LRRC58: variants seen among roughly 807,000 people sequenced by gnomAD.
LRRC58 encodes leucine-rich repeat-containing protein 58.
Under a neutral mutation model 30.6 loss-of-function variants are expected in LRRC58, and 18 were observed. The ratio of observed to expected loss-of-function variants is 0.59; its 90% CI spans 0.41 to 0.87. The LOEUF (loss-of-function observed/expected upper bound fraction) is 0.87. Among genes scored for constraint, LRRC58 ranks in the 40% least tolerant of loss-of-function variants. The pLI, the probability that LRRC58 is intolerant of heterozygous loss-of-function variation, is 0.00. For synonymous variants in LRRC58, 221 were observed against 206.0 expected (o/e 1.07, Z -0.62); for missense variants, 420 against 468.4 (o/e 0.90, Z 0.95).
Position 120,348,865 on chromosome 3 carries a change from G to C in LRRC58, c.379C>G (p.Leu127Val). ...ACCTCCTGGAAACAGTTGCCGCTGA[G>C]GTTGAGCACCTGGAGGCTGCGGCAG... ...PLCRSLQVLN[L>V]SGNCFQEVPA... is the part of the protein sequence containing the mutation. The change falls in exon 1 of 4, where the codon CTC becomes GTC. Residue 127 changes from leucine to valine, a missense_variant. Around this residue, in one of 2 missense-constraint regions of LRRC58, gnomAD observed 266 missense variants for 251.7 expected, o/e 1.06. Coordinates refer to ENST00000295628, the MANE Select transcript of LRRC58 (RefSeq NM_001099678.2). 3.1e-6 allele frequency: 5 copies of C among 1,600,382 alleles called. No homozygotes were observed. The highest frequency in any genetic ancestry group is 4.3e-6 in the Non-Finnish European group (5 of 1,174,452).
At chr3:120,344,543 A>G (rs1482827860) in intron 1 of LRRC58, among the ~76,000 whole-genome samples, 1 of 152,232 alleles carries the variant, frequency 6.6e-6, no homozygotes. Flanking sequence ...TGAGAGCATT[A>G]ACTTTTAGCT....
chr3:120,331,592 G>A (rs1559992858), intron 3 of LRRC58, among the ~76,000 whole-genome samples, 184 bp from the exon 4 acceptor site: 1 of 152,164 alleles, frequency 6.6e-6, no homozygotes, highest in African/African-American at 2.4e-5. Context: ...GGTAGAATCT[G>A]GGTGCAAAGA....
Position 120,349,342 on chromosome 3 carries a change from C to G in LRRC58, c.-99G>C. 1.6e-6 allele frequency: 2 copies of G among 1,246,462 alleles called. No individual in the cohort carries two copies. Among genetic ancestry groups the G allele is most frequent in the Non-Finnish European group, 2.1e-6 (2 of 975,442 alleles). The allele number at this position is 1,246,462 out of a possible 1,614,324, so 77.2% of individuals were successfully genotyped here. On this transcript the variant is annotated 5_prime_UTR_variant, in exon 1 of 4. Coordinates refer to ENST00000295628, the MANE Select transcript of LRRC58 (RefSeq NM_001099678.2). Reference sequence around the variant, plus strand: ...GGCGCCCCGGAACCTGAACCGAGGGCTGAGTCGGAAGTGGCGCGGGCGGGC... The same window carrying G: ...GGCGCCCCGGAACCTGAACCGAGGGGTGAGTCGGAAGTGGCGCGGGCGGGC...
In LRRC58 at chr3:120,344,277, A is replaced by G. The variant is rs376615428; in HGVS notation, c.500+4467T>C. ...TGTATTAAATGACAAATACTAACAT[A>G]CACCACAGGATTATAAGGTACCTAT... On this transcript the variant is annotated intron_variant, in intron 1 of 3. Coordinates refer to ENST00000295628, the MANE Select transcript of LRRC58 (RefSeq NM_001099678.2). Among the ~76,000 whole-genome samples the G allele has an allele frequency of 3.9e-5, 6 of 152,306 alleles. No homozygotes were observed. The East Asian group carries it at 9.6e-4, about 24-fold the overall frequency.
chr3:120,348,713 C>T (rs759390204), intron 1 of LRRC58, 31 bp downstream of exon 1: 10 of 1,508,256 alleles, frequency 6.6e-6, no homozygotes, highest in African/African-American at 5.7e-5. Context: ...CCGCCCGAGG[C>T]CTCCCCACCC....
At chr3:120,338,903 C>A (rs544048276) in intron 1 of LRRC58, among the ~76,000 whole-genome samples, 3 of 152,158 alleles carry the variant, frequency 2.0e-5, no homozygotes, top group Non-Finnish European at 2.9e-5. Context: ...TAGGGGAGCA[C>A]TGTGGGCAGG....
rs878915283 is a variant in LRRC58 at position 120,330,376 on chromosome 3, G to A, written c.*824C>T. On this transcript the variant is annotated 3_prime_UTR_variant, in exon 4 of 4. Coordinates refer to ENST00000295628, the MANE Select transcript of LRRC58 (RefSeq NM_001099678.2). ...CAAAAAAATGTTAAGAGGGCCATGA[G>A]ATCGGATATTAGATACACAGTTATT... 6.6e-6 allele frequency: 1 copy of A among 152,138 alleles called. No individual in the cohort carries two copies. The highest frequency in any genetic ancestry group is 2.1e-4 in the South Asian group (1 of 4,828). The allele number at this position is 152,138 out of a possible 1,614,324, so 9.4% of individuals were successfully genotyped here.
rs867542726 is a variant in LRRC58, at chr3:120,328,472, T to C, written c.*2728A>G. On this transcript the variant is annotated 3_prime_UTR_variant, in exon 4 of 4. Transcript: ENST00000295628. The stretch of plus-strand genomic sequence containing the variant: ...TCCATAGTTTTGGTCACTAAAATCG[T>C]CCAAGTAGAGCAATATCAAAAACTT... 1 of 152,232 alleles carries C rather than the reference T, an allele frequency of 6.6e-6. No homozygotes were observed. The highest frequency in any genetic ancestry group is 1.5e-5 in the Non-Finnish European group (1 of 68,034). 9.4% of individuals were successfully genotyped at this position (152,232 alleles called of 1,614,324 possible).
At chr3:120,347,548 C>A (rs893420152) in intron 1 of LRRC58, among the ~76,000 whole-genome samples, 5 of 149,328 alleles carry the variant, frequency 3.3e-5, no homozygotes, top group Non-Finnish European at 5.9e-5. Context: ...CCCGCCACCG[C>A]GCCCGGCTAA....
In LRRC58 at chr3:120,349,340, G is replaced by A; in HGVS notation, c.-97C>T. On this transcript the variant is annotated 5_prime_UTR_variant, in exon 1 of 4. Coordinates refer to ENST00000295628, the MANE Select transcript of LRRC58 (RefSeq NM_001099678.2). ...GCGGCGCCCCGGAACCTGAACCGAG[G>A]GCTGAGTCGGAAGTGGCGCGGGCGG... 2.4e-6 allele frequency: 3 copies of A among 1,248,572 alleles called. No individual in the cohort carries two copies. The highest frequency in any genetic ancestry group is 3.1e-6 in the Non-Finnish European group (3 of 977,100). 77.3% of individuals were successfully genotyped at this position (1,248,572 alleles called of 1,614,324 possible). A position where few individuals can be genotyped will look rare whatever the true frequency, so the allele number is the denominator to read the frequency against.
At position 120,325,814 on chromosome 3, in the gene LRRC58, T is replaced by A. The variant is rs935939809; in HGVS notation, c.*5386A>T. 4 of 152,222 alleles carry A rather than the reference T, an allele frequency of 2.6e-5. No homozygotes were observed. Among genetic ancestry groups the A allele is most frequent in the African/African-American group, 4.8e-5 (2 of 41,456 alleles). The allele number at this position is 152,222 out of a possible 1,614,324, so 9.4% of individuals were successfully genotyped here. A position where few individuals can be genotyped will look rare whatever the true frequency, so the allele number is the denominator to read the frequency against. On this transcript the variant is annotated 3_prime_UTR_variant, in exon 4 of 4. Transcript: ENST00000295628. ...CTTTGGTGGCACCAGATAAATTTTT[T>A]AAATAATATATAACAGAACATATCT...
rs754372386 is a variant in LRRC58, at chr3:120,331,421, A to G, written c.908-13T>C. ...TCAAAGTAGACTCCTAAAGAGAAGA[A>G]GGAATAGAAAGTAATCATTACAAAG... On this transcript the variant is annotated splice_polypyrimidine_tract_variant and intron_variant, in intron 3 of 3. Coordinates refer to ENST00000295628, the MANE Select transcript of LRRC58 (RefSeq NM_001099678.2). 77 of 1,587,206 alleles carry G rather than the reference A, an allele frequency of 4.9e-5. No individual in the cohort carries two copies. The highest frequency in any genetic ancestry group is 6.2e-5 in the Non-Finnish European group (72 of 1,155,888).
rs1448629587 is a variant in LRRC58, at chr3:120,348,886, G to C, written c.358C>G (p.Arg120Gly). 3.2e-6 allele frequency: 5 copies of C among 1,587,118 alleles called. No individual in the cohort carries two copies. In the African/African-American group the frequency reaches 4.0e-5, roughly 13 times the overall value. ...CTGAGGTTGAGCACCTGGAGGCTGC[G>C]GCAGAGCGGCGACTGGGCCAGGCCC... ...PKGLAQSPLC[R>G]SLQVLNLSGN... The change falls in exon 1 of 4, where the codon CGC (arginine) becomes GGC (glycine). Residue 120 changes from arginine (R) to glycine (G), a missense_variant. By Grantham distance (125) the Arg-to-Gly change is moderately radical. Around this residue, in one of 2 missense-constraint regions of LRRC58, gnomAD observed 266 missense variants for 251.7 expected, o/e 1.06. Transcript: ENST00000295628.
intron 3 of LRRC58, 63 bp from the exon 4 acceptor site, chr3:120,331,471 C>A: frequency 7.8e-7 from 1 of 1,287,114 alleles, no homozygotes; most frequent in Non-Finnish European, 1.1e-6. Flanking sequence ...CTTTTTCAGC[C>A]CTTTCTCCAG....
At chr3:120,333,461 G>C (rs1233716597) in intron 3 of LRRC58, among the ~76,000 whole-genome samples, 1 of 152,160 alleles carries the variant, frequency 6.6e-6, no homozygotes, top group Non-Finnish European at 1.5e-5. Context: ...TCTAAGAGTG[G>C]GTGGCCAGAA....
chr3:120,335,086 G>C lies in LRRC58; in HGVS notation c.683C>G (p.Pro228Arg). 6.2e-7 allele frequency: 1 copy of C among 1,613,922 alleles called. No individual in the cohort carries two copies. Among genetic ancestry groups the C allele is most frequent in the Non-Finnish European group, 8.5e-7 (1 of 1,179,848 alleles). The change falls in exon 3 of 4, where the codon CCT becomes CGT. Residue 228 changes from proline (P) to arginine (R), a missense_variant. Physicochemically the swap from Pro to Arg is moderately radical, Grantham distance 103. Around this residue, in one of 2 missense-constraint regions of LRRC58, gnomAD observed 154 missense variants for 216.8 expected, o/e 0.71. Transcript: ENST00000295628. ...ATGAATAAGGTTGAGGATCTCTCGA[G>C]GCAGATATGTCAGCAAGTTATTGTG... ...SLHNNLLTYL[P>R]REILNLIHLE...
chr3:120,337,795 T>C (rs1935853999), intron 1 of LRRC58, among the ~76,000 whole-genome samples: 1 of 152,170 alleles, frequency 6.6e-6, no homozygotes, highest in Admixed American at 6.5e-5. Flanking sequence ...TCATGACTGC[T>C]AAAAACTTCC....
At chr3:120,341,417 GA>G (rs927601904) in intron 1 of LRRC58, among the ~76,000 whole-genome samples, 31 of 151,836 alleles carry the variant, frequency 2.0e-4, no homozygotes, top group African/African-American at 7.0e-4. Flanking sequence ...TAGAGAGGGA[GA>G]AAAAAAATAA....
chr3:120,349,144 C>T lies in LRRC58; in HGVS notation c.100G>A (p.Ala34Thr), dbSNP rs1378293242. The T allele has an allele frequency of 3.3e-6, 5 of 1,503,990 alleles. No homozygotes were observed. The South Asian group carries it at 5.0e-5, about 15-fold the overall frequency. The allele number at this position is 1,503,990 out of a possible 1,614,324, so 93.2% of individuals were successfully genotyped here. Residue 34 changes from alanine to threonine, a missense_variant, in exon 1 of 4, where the codon GCG becomes ACG. Ala to Thr is a moderately conservative substitution (Grantham distance 58). Around this residue, in one of 2 missense-constraint regions of LRRC58, gnomAD observed 266 missense variants for 251.7 expected, o/e 1.06. Coordinates refer to ENST00000295628, the MANE Select transcript of LRRC58 (RefSeq NM_001099678.2). ...GCCCCGCGCCGCTCCTCCCCCCGCG[C>T]CTCCAGCTCAGACTCCAGCGTCTCG... The part of the protein sequence containing the change: ...STETLESELE[A>T]RGEERRGARE...
Sources: gnomAD v4.1 joint callset for allele counts (sites outside exome capture counted in the v4.1 genomes callset) on GRCh38, gnomAD v4.1.1 for gene constraint, gnomAD v4.1.1 regional missense constraint, MANE v1.5 for transcripts, NCBI Gene and HGNC (gene_info 2026-07-23, HGNC 2026-07-21) for gene names.